The following SGCD variants were observed in gnomAD, a reference collection of about 807,000 sequenced individuals.
SGCD encodes the protein delta-sarcoglycan.
In SGCD, 18 loss-of-function variants were observed where a neutral mutation model predicts 36.6. The ratio of observed to expected loss-of-function variants is 0.49; its 90% CI spans 0.34 to 0.73. The LOEUF is 0.73. Among genes scored for constraint, SGCD ranks in the 30% least tolerant of loss-of-function variants. The pLI is 0.01. For synonymous variants in SGCD, 133 were observed against 130.6 expected (o/e 1.02, Z -0.12); for missense variants, 387 against 346.7 (o/e 1.12, Z -0.92).
At chr5:156,011,014 G>C (rs997589956) in intron 1 of SGCD, among the ~76,000 whole-genome samples, 1 of 152,024 alleles carries the variant, frequency 6.6e-6, no homozygotes, top group African/African-American at 2.4e-5. Flanking sequence ...CTTAGTGAAA[G>C]ACATTAAAAG....
chr5:155,802,337 G>T, the SGCD span, among the ~76,000 whole-genome samples: 1 of 152,136 alleles, frequency 6.6e-6, no homozygotes. Context: ...TTGGTTCCTG[G>T]CTCCAGTCTT....
chr5:156,646,654 C>T (rs560879038), intron 6 of SGCD, among the ~76,000 whole-genome samples: 2 of 152,262 alleles, frequency 1.3e-5, no homozygotes, highest in African/African-American at 4.8e-5. Flanking sequence ...AAAAGAAACA[C>T]CTTTACTTCA....
intron 2 of SGCD, among the ~76,000 whole-genome samples, chr5:156,338,285 C>T (rs1308582658): frequency 6.6e-6 from 1 of 152,138 alleles, no homozygotes; most frequent in Non-Finnish European, 1.5e-5. Flanking sequence ...TTGTTCTTCT[C>T]CTGAAGAACA....
intron 3 of SGCD, among the ~76,000 whole-genome samples, chr5:156,396,595 G>A (rs567721837): frequency 1.1e-4 from 16 of 152,154 alleles, no homozygotes; most frequent in South Asian, 6.2e-4. Context: ...TGAGTGTTCC[G>A]CGGTGTGGAG....
At chr5:155,763,117 C>T in the SGCD span, among the ~76,000 whole-genome samples, 4 of 152,124 alleles carry the variant, frequency 2.6e-5, no homozygotes, top group Non-Finnish European at 5.9e-5. Flanking sequence ...CAATTGAACT[C>T]TCTTGTTATT....
intron 3 of SGCD, among the ~76,000 whole-genome samples, chr5:156,194,717 G>C (rs1225046902): frequency 1.3e-5 from 2 of 151,976 alleles, no homozygotes; most frequent in Admixed American, 1.3e-4. Context: ...ATATAGTACT[G>C]TAATATAATA....
chr5:156,367,869 A>G (rs1770186842), intron 3 of SGCD, among the ~76,000 whole-genome samples: 1 of 152,188 alleles, frequency 6.6e-6, no homozygotes, highest in African/African-American at 2.4e-5. Flanking sequence ...TGCCAGGATA[A>G]ATGTCATGAC....
chr5:156,504,870 A>T (rs1756626923), intron 3 of SGCD, among the ~76,000 whole-genome samples: 1 of 152,206 alleles, frequency 6.6e-6, no homozygotes, highest in Admixed American at 6.5e-5. Flanking sequence ...AATACCCCAA[A>T]TATAATCTTT....
intron 3 of SGCD, among the ~76,000 whole-genome samples, chr5:156,189,781 G>A (rs960741419): frequency 7.9e-5 from 12 of 152,164 alleles, no homozygotes; most frequent in African/African-American, 2.9e-4. Context: ...ACATATCATT[G>A]AGAACAGGGC....
At chr5:156,284,479 C>T (rs916192483) in intron 3 of SGCD, among the ~76,000 whole-genome samples, 23 of 152,142 alleles carry the variant, frequency 1.5e-4, no homozygotes, top group African/African-American at 4.6e-4. Context: ...CCAACATGAC[C>T]AAGTGGGCTT....
At chr5:156,007,927 G>A (rs1245404059) in intron 1 of SGCD, among the ~76,000 whole-genome samples, 1 of 152,188 alleles carries the variant, frequency 6.6e-6, no homozygotes, top group Non-Finnish European at 1.5e-5. Flanking sequence ...ATTTGTCCAG[G>A]AGAAATAGTT....
intron 3 of SGCD, among the ~76,000 whole-genome samples, chr5:156,203,800 A>T (rs897635405): frequency 1.3e-5 from 2 of 152,126 alleles, no homozygotes; most frequent in African/African-American, 4.8e-5. Flanking sequence ...GGACCCAGAT[A>T]TTCAGGATCT....
the SGCD span, among the ~76,000 whole-genome samples, chr5:155,770,385 G>A: frequency 2.0e-5 from 3 of 151,988 alleles, no homozygotes; most frequent in African/African-American, 7.3e-5. Context: ...TGGGTGGGAA[G>A]AACATTCCAG....
chr5:156,081,921 A>C (rs1340264328), intron 1 of SGCD, among the ~76,000 whole-genome samples: 4 of 152,030 alleles, frequency 2.6e-5, no homozygotes, highest in African/African-American at 9.7e-5. Flanking sequence ...TTCTTACGGG[A>C]AAGGGGGATA....
the SGCD span, among the ~76,000 whole-genome samples, chr5:155,860,146 A>C: frequency 1.3e-5 from 2 of 152,252 alleles, no homozygotes; most frequent in African/African-American, 4.8e-5. Context: ...GCCTATGGGC[A>C]AAACCGTTGT....
At chr5:156,343,220 A>G (rs1467697651) in intron 2 of SGCD, among the ~76,000 whole-genome samples, 1 of 152,224 alleles carries the variant, frequency 6.6e-6, no homozygotes, top group East Asian at 1.9e-4. Flanking sequence ...GGCACCACAT[A>G]TTACTAATTT....
chr5:156,239,343 T>C (rs249890), intron 3 of SGCD, among the ~76,000 whole-genome samples: 38,536 of 140,748 alleles, frequency 0.27, 5,403 homozygotes, highest in Admixed American at 0.33. Context: ...GAGGTTGCAG[T>C]GAGCAGAGAT....
intron 3 of SGCD, among the ~76,000 whole-genome samples, chr5:156,373,045 A>G (rs2127741278): frequency 6.6e-6 from 1 of 152,198 alleles, no homozygotes; most frequent in Middle Eastern, 3.4e-3. Flanking sequence ...AGAGAGATGG[A>G]ATGGCCATTC....
chr5:155,965,360 C>T (rs770354437), intron 1 of SGCD, among the ~76,000 whole-genome samples: 2 of 152,128 alleles, frequency 1.3e-5, no homozygotes, highest in African/African-American at 2.4e-5. Flanking sequence ...TCCTGGTCCT[C>T]TCCCAGCTCC....
Sources: allele counts gnomAD v4.1 joint callset (sites outside exome capture counted in the v4.1 genomes callset), GRCh38; gene constraint gnomAD v4.1.1; transcripts MANE v1.5; gene names NCBI Gene and HGNC (gene_info 2026-07-23, HGNC 2026-07-21).